Variants in PHF20L1 observed in about 807,000 individuals in gnomAD.
PHF20L1 encodes PHD finger protein 20 like 1, also known as PHD finger protein 20-like protein 1.
PHF20L1 carries 44 observed loss-of-function variants against 125.5 expected under a neutral mutation model. The observed-to-expected ratio is 0.35, with a 90% CI of 0.28 to 0.45. The LOEUF (loss-of-function observed/expected upper bound fraction) is 0.45, where lower values mean the gene tolerates loss of function less well. Ranked by LOEUF, PHF20L1 falls within the 20% of genes least tolerant of loss-of-function variation. PHF20L1 has a pLI of 1.00. For missense variants in PHF20L1, 1,012 were observed against 1,217.2 expected, an observed-to-expected ratio of 0.83 and a Z score of 2.51; for synonymous variants, 380 against 403.1, an observed-to-expected ratio of 0.94 and a Z score of 0.69.
chr8:132,780,344 C>T (rs904711812), intron 2 of PHF20L1, among the ~76,000 whole-genome samples: 2 of 151,952 alleles, frequency 1.3e-5, no homozygotes, highest in African/African-American at 2.4e-5. Context: ...AAACTTAATT[C>T]TTCATATTAT....
intron 13 of PHF20L1, 65 bp downstream of exon 13, chr8:132,824,125 C>T: frequency 1.0e-6 from 1 of 973,152 alleles, no homozygotes; most frequent in Non-Finnish European, 1.6e-6. Flanking sequence ...AGGACATAGT[C>T]TGCCCCTTAC....
intron 6 of PHF20L1, among the ~76,000 whole-genome samples, chr8:132,801,952 T>A (rs997588662): frequency 1.3e-5 from 2 of 151,606 alleles, no homozygotes; most frequent in Non-Finnish European, 3.0e-5. Flanking sequence ...GGATGGAAAT[T>A]ACTTCTGACA....
chr8:132,798,588 CAG>C (rs1832686919), intron 4 of PHF20L1, among the ~76,000 whole-genome samples, 182 bp from the exon 5 acceptor site: 1 of 151,866 alleles, frequency 6.6e-6, no homozygotes, highest in Non-Finnish European at 1.5e-5. Context: ...TTAGGGGAAA[CAG>C]GAGTTCAGAG....
intron 13 of PHF20L1, 38 bp downstream of exon 13, chr8:132,824,098 A>ATTAT: frequency 7.6e-7 from 1 of 1,313,162 alleles, no homozygotes; most frequent in South Asian, 1.2e-5. Flanking sequence ...AAAGACTATA[A>ATTAT]AGCTTGACAG....
intron 2 of PHF20L1, among the ~76,000 whole-genome samples, chr8:132,791,318 A>T (rs1831670394): frequency 7.7e-6 from 1 of 130,294 alleles, no homozygotes; most frequent in Non-Finnish European, 1.5e-5. Flanking sequence ...CAATGGTGCG[A>T]TCTCGGCTCA....
At chr8:132,809,841 C>T (rs1015649491) in intron 8 of PHF20L1, 2 of 151,766 alleles carry the variant, frequency 1.3e-5, no homozygotes, top group African/African-American at 4.8e-5. Context: ...ACCTGACAAC[C>T]TTGAAATGAC....
Position 132,847,736 on chromosome 8 carries a change from T to C in PHF20L1, c.*1813T>C, listed in dbSNP as rs951419266. ...AACAGACAGAAAATATCATCCTGTG[T>C]ATTTACTTGTCATACTTTAACTTTG... On this transcript the variant is annotated 3_prime_UTR_variant, in exon 21 of 21. Coordinates refer to ENST00000395386, the MANE Select transcript of PHF20L1 (RefSeq NM_016018.5). 5 of 152,594 alleles carry C rather than the reference T, an allele frequency of 3.3e-5. No individual in the cohort carries two copies. Among genetic ancestry groups the C allele is most frequent in the African/African-American group, 1.2e-4 (5 of 41,454 alleles). The allele number at this position is 152,594 out of a possible 1,614,324, so 9.5% of individuals were successfully genotyped here. A position where few individuals can be genotyped will look rare whatever the true frequency, so the allele number is the denominator to read the frequency against.
intron 8 of PHF20L1, among the ~76,000 whole-genome samples, chr8:132,805,739 T>C (rs1276050812): frequency 6.6e-6 from 1 of 151,968 alleles, no homozygotes; most frequent in South Asian, 2.1e-4. Flanking sequence ...GAGCTGAGGA[T>C]TGTTTAGAAC....
At chr8:132,828,338 G>A (rs745870379) in intron 14 of PHF20L1, among the ~76,000 whole-genome samples, 1 of 151,994 alleles carries the variant, frequency 6.6e-6, no homozygotes, top group Non-Finnish European at 1.5e-5. Context: ...CTGAGAGAGA[G>A]TGAGAAAGAG....
intron 2 of PHF20L1, among the ~76,000 whole-genome samples, chr8:132,791,567 C>G (rs548127745): frequency 2.0e-5 from 3 of 152,052 alleles, no homozygotes; most frequent in Non-Finnish European, 4.4e-5. Context: ...TGTTTCGTTT[C>G]CTTTTTATGT....
At chr8:132,812,345 A>G (rs769123241) in intron 9 of PHF20L1, 68 of 984,676 alleles carry the variant, frequency 6.9e-5, no homozygotes, top group Middle Eastern at 1.0e-3. Flanking sequence ...ATTATGCACA[A>G]TCCTGCTGAG....
chr8:132,798,164 C>T (rs781321898), intron 4 of PHF20L1, among the ~76,000 whole-genome samples: 1 of 151,944 alleles, frequency 6.6e-6, no homozygotes, highest in Non-Finnish European at 1.5e-5. Flanking sequence ...TTGCCTGCCA[C>T]TTAGGTGAAT....
At chr8:132,839,650 G>C (rs1206438336) in intron 18 of PHF20L1, 68 bp downstream of exon 18, 1 of 1,072,460 alleles carries the variant, frequency 9.3e-7, no homozygotes, top group African/African-American at 1.6e-5. Flanking sequence ...AACACTGTTG[G>C]CCTTTTGATG....
chr8:132,812,428 A>G (rs1019191099), intron 9 of PHF20L1: 35 of 985,042 alleles, frequency 3.6e-5, no homozygotes, highest in African/African-American at 5.2e-5. Flanking sequence ...CTTAGAGAGA[A>G]GTACAGAAAA....
chr8:132,820,747 A>G (rs191818674), intron 12 of PHF20L1, among the ~76,000 whole-genome samples: 3 of 152,028 alleles, frequency 2.0e-5, no homozygotes, highest in Admixed American at 2.0e-4. Flanking sequence ...GATAGAGTCT[A>G]TGTTTATTCC....
rs372483485 is a variant in PHF20L1 at position 132,812,918 on chromosome 8, A to T, written c.931-1719A>T. The T allele has an allele frequency of 3.0e-5, 29 of 971,878 alleles. No individual in the cohort carries two copies. The East Asian group carries it at 9.1e-4, about 31-fold the overall frequency. 60.2% of individuals were successfully genotyped at this position (971,878 alleles called of 1,614,324 possible). ...TTAAAAATTCAAACTGTGGTCTTGAACCCCAATTCTCAGCTTATTAATTAT... is the reference window on the plus strand; with the variant it reads ...TTAAAAATTCAAACTGTGGTCTTGATCCCCAATTCTCAGCTTATTAATTAT... On this transcript the variant is annotated intron_variant, in intron 9 of 20. Coordinates refer to ENST00000395386, the MANE Select transcript of PHF20L1 (RefSeq NM_016018.5).
At chr8:132,776,899 C>G (rs1219129354) in intron 1 of PHF20L1, among the ~76,000 whole-genome samples, 1 of 152,148 alleles carries the variant, frequency 6.6e-6, no homozygotes, top group Non-Finnish European at 1.5e-5. Context: ...AAAATGTATT[C>G]ATATTCCTCA....
At chr8:132,786,789 A>G (rs1285259383) in intron 2 of PHF20L1, among the ~76,000 whole-genome samples, 1 of 152,162 alleles carries the variant, frequency 6.6e-6, no homozygotes, top group African/African-American at 2.4e-5. Context: ...TAGCAAAATA[A>G]TGCATGTTAT....
intron 10 of PHF20L1, chr8:132,816,546 G>A (rs1207241358): frequency 5.0e-6 from 1 of 199,258 alleles, no homozygotes; most frequent in Non-Finnish European, 1.0e-5. Context: ...TTGCTGTAAA[G>A]AGACTATTTT....
Sources: gnomAD v4.1 joint callset for allele counts (sites outside exome capture counted in the v4.1 genomes callset) on GRCh38, gnomAD v4.1.1 for gene constraint, MANE v1.5 for transcripts, NCBI Gene and HGNC (gene_info 2026-07-23, HGNC 2026-07-21) for gene names.